EPHA7: variants seen among roughly 807,000 people sequenced by gnomAD.
EPHA7 encodes EPH receptor A7.
A neutral mutation model predicts 112.6 loss-of-function variants in EPHA7; 25 were observed. The ratio of observed to expected loss-of-function variants is 0.22; its 90% CI spans 0.16 to 0.31. EPHA7 has a LOEUF of 0.31. Ranked by LOEUF, EPHA7 falls within the 10% of genes least tolerant of loss-of-function variation. The pLI is 1.00. For missense variants in EPHA7, 962 were observed against 1,212.6 expected (o/e 0.79, Z 3.07); for synonymous variants, 437 against 406.5 (o/e 1.07, Z -0.90).
chr6:93,405,103 AT>A (rs1778630983), intron 3 of EPHA7, among the ~76,000 whole-genome samples: 1 of 151,888 alleles, frequency 6.6e-6, no homozygotes, highest in African/African-American at 2.4e-5. Flanking sequence ...AGAACAAAAG[AT>A]CACCCACAAT....
rs151111657 is a variant in EPHA7 at position 93,255,463 on chromosome 6, A to G, written c.2382+365T>C. Among the ~76,000 whole-genome samples the G allele has an allele frequency of 7.1e-4, 108 of 152,272 alleles. 1 individual carries two copies. The highest frequency in any genetic ancestry group is 2.5e-3 in the African/African-American group (104 of 41,568). On this transcript the variant is annotated intron_variant, in intron 13 of 16. Coordinates refer to ENST00000369303, the MANE Select transcript of EPHA7 (RefSeq NM_004440.4). ...ATTCTCACATATTTTCTTTTTTTCTAATCTTACAAAAGTTATAAGGATTAG... is the reference window on the plus strand; with the variant it reads ...ATTCTCACATATTTTCTTTTTTTCTGATCTTACAAAAGTTATAAGGATTAG...
At chr6:93,267,113 T>A (rs1039493136) in intron 7 of EPHA7, among the ~76,000 whole-genome samples, 22 of 151,940 alleles carry the variant, frequency 1.4e-4, no homozygotes, top group Non-Finnish European at 2.2e-4. Context: ...TCTTGTGTTT[T>A]TAAAGTTTCC....
chr6:93,414,085 C>T (rs1030400723), intron 2 of EPHA7, among the ~76,000 whole-genome samples: 1 of 151,810 alleles, frequency 6.6e-6, no homozygotes, highest in African/African-American at 2.4e-5. Flanking sequence ...TAGGTTATTA[C>T]TGGACAATTT....
chr6:93,313,940 G>A (rs1773663881), intron 5 of EPHA7, among the ~76,000 whole-genome samples: 1 of 152,104 alleles, frequency 6.6e-6, no homozygotes, highest in Non-Finnish European at 1.5e-5. Flanking sequence ...TGAGTTTAGA[G>A]ACGATGTTTC....
At chr6:93,246,197 G>A (rs1239649064) in intron 15 of EPHA7, among the ~76,000 whole-genome samples, 21 of 151,838 alleles carry the variant, frequency 1.4e-4, no homozygotes, top group Admixed American at 3.3e-4. Context: ...GATTACAGGC[G>A]CCCGCCACCA....
At chr6:93,390,164 A>C (rs1582651798) in intron 3 of EPHA7, among the ~76,000 whole-genome samples, 1 of 151,796 alleles carries the variant, frequency 6.6e-6, no homozygotes, top group South Asian at 2.1e-4. Context: ...CTAACATTTA[A>C]AGAAATAAGA....
chr6:93,349,832 CG>C (rs1276720130), intron 5 of EPHA7, among the ~76,000 whole-genome samples: 1 of 151,596 alleles, frequency 6.6e-6, no homozygotes, highest in Non-Finnish European at 1.5e-5. Flanking sequence ...TGAAAAGAGA[CG>C]ATCTACGTTA....
intron 3 of EPHA7, among the ~76,000 whole-genome samples, chr6:93,366,902 T>C (rs1776542865): frequency 6.6e-6 from 1 of 151,524 alleles, no homozygotes. Context: ...AATAATGTCC[T>C]CATAGGTTTA....
Position 93,377,389 on chromosome 6 carries a change from G to GT in EPHA7, c.833-18979dup, listed in dbSNP as rs1007192147. On this transcript the variant is annotated intron_variant, in intron 3 of 16. Transcript: ENST00000369303. ...ACAAAATAAATAATGGTTATTGCTA[G>GT]TTTTTTTTTCAAAATATTTAAACAA... 4.2e-4 allele frequency among the ~76,000 whole-genome samples: 63 copies of GT among 149,768 alleles called. No individual in the cohort carries two copies. In the Middle Eastern group the frequency reaches 0.014, roughly 33 times the overall value.
intron 5 of EPHA7, among the ~76,000 whole-genome samples, chr6:93,355,118 G>A (rs1166030130): frequency 6.6e-6 from 1 of 152,056 alleles, no homozygotes; most frequent in Non-Finnish European, 1.5e-5. Flanking sequence ...AAATAAATAG[G>A]ATAAATATGT....
chr6:93,408,966 G>A (rs1024418968), intron 3 of EPHA7, among the ~76,000 whole-genome samples: 1 of 119,966 alleles, frequency 8.3e-6, no homozygotes, highest in Non-Finnish European at 1.7e-5. Context: ...AAGGACATAT[G>A]TTACTTTTTT....
intron 5 of EPHA7, among the ~76,000 whole-genome samples, chr6:93,327,537 T>G (rs1328293774): frequency 6.6e-6 from 1 of 151,562 alleles, no homozygotes; most frequent in African/African-American, 2.4e-5. Flanking sequence ...ACTGAGTTCC[T>G]AAACTTCTTC....
intron 3 of EPHA7, among the ~76,000 whole-genome samples, chr6:93,377,550 T>TAAA (rs5878313): frequency 2.0e-5 from 3 of 148,536 alleles, no homozygotes; most frequent in African/African-American, 2.5e-5. Flanking sequence ...TTTGAAAAAC[T>TAAA]AAAAAAAAAA....
intron 5 of EPHA7, among the ~76,000 whole-genome samples, chr6:93,295,067 G>A (rs1392478050): frequency 1.3e-5 from 2 of 151,782 alleles, no homozygotes; most frequent in African/African-American, 2.4e-5. Flanking sequence ...TAAAGAGAAC[G>A]AGGAAAGGAG....
intron 5 of EPHA7, among the ~76,000 whole-genome samples, chr6:93,312,432 C>T (rs1055742997): frequency 4.6e-5 from 7 of 151,856 alleles, no homozygotes; most frequent in African/African-American, 1.7e-4. Flanking sequence ...CACGAACCTA[C>T]CCTTGCTAGC....
At chr6:93,276,540 G>C (rs530039068) in intron 5 of EPHA7, among the ~76,000 whole-genome samples, 1 of 152,160 alleles carries the variant, frequency 6.6e-6, no homozygotes, top group East Asian at 1.9e-4. Flanking sequence ...GCCCAGACTT[G>C]TGACCCACAG....
At chr6:93,387,924 C>CAGACAGACAGATAGATAGATAGATAGAT (rs1310430859) in intron 3 of EPHA7, among the ~76,000 whole-genome samples, 11 of 145,682 alleles carry the variant, frequency 7.6e-5, no homozygotes, top group South Asian at 2.3e-4. Context: ...GATAGATAGA[C>CAGACAGACAGATAGATAGATAGATAGAT]AGATAGATAG....
At chr6:93,381,531 T>C (rs1216290416) in intron 3 of EPHA7, among the ~76,000 whole-genome samples, 1 of 152,162 alleles carries the variant, frequency 6.6e-6, no homozygotes, top group Non-Finnish European at 1.5e-5. Context: ...ACTTTTGGCA[T>C]CATAATTAAC....
Position 93,269,529 on chromosome 6 carries a change from A to G in EPHA7, c.1581T>C (p.Ser527=). ...CTAGTGTAGCAACATCAAGTCTGGG[A>G]CTGTAATTTCCATAACCAGCAGCAG... The part of the protein sequence containing the change: ...AFTAAGYGNY[S]PRLDVATLEE... The change falls in exon 7 of 17, where the codon AGT becomes AGC. Residue 527 remains serine (S), a synonymous_variant. Coordinates refer to ENST00000369303, the MANE Select transcript of EPHA7 (RefSeq NM_004440.4). 2 of 1,611,274 alleles carry G rather than the reference A, an allele frequency of 1.2e-6. No individual in the cohort carries two copies. The highest frequency in any genetic ancestry group is 1.7e-6 in the Non-Finnish European group (2 of 1,178,282).
Sources: allele counts gnomAD v4.1 joint callset (sites outside exome capture counted in the v4.1 genomes callset), GRCh38; gene constraint gnomAD v4.1.1; transcripts MANE v1.5; gene names NCBI Gene and HGNC (gene_info 2026-07-23, HGNC 2026-07-21).